Variants in PARD3B observed in about 807,000 individuals in gnomAD.
PARD3B encodes par-3 family cell polarity regulator beta.
PARD3B carries 103 observed loss-of-function variants against 130.2 expected under a neutral mutation model. That is an observed-to-expected ratio of 0.79 (90% CI 0.67 to 0.93). The LOEUF (loss-of-function observed/expected upper bound fraction) is 0.93, where lower values mean the gene tolerates loss of function less well. Ranked by LOEUF, PARD3B falls within the 40% of genes least tolerant of loss-of-function variation. PARD3B has a pLI of 0.00. For missense variants in PARD3B, 1,609 were observed against 1,499.2 expected (o/e 1.07, Z -1.21); for synonymous variants, 583 against 553.2 (o/e 1.05, Z -0.76).
chr2:204,810,012 A>G (rs956334169), intron 2 of PARD3B, among the ~76,000 whole-genome samples: 2 of 151,924 alleles, frequency 1.3e-5, no homozygotes, highest in African/African-American at 4.8e-5. Flanking sequence ...TGTGAATGCA[A>G]TTGCTTTACT....
At chr2:205,360,174 T>C (rs1033690355) in intron 18 of PARD3B, among the ~76,000 whole-genome samples, 7 of 152,232 alleles carry the variant, frequency 4.6e-5, no homozygotes, top group Non-Finnish European at 7.3e-5. Context: ...GACATCGTTT[T>C]ATATGGTTGT....
chr2:205,144,446 A>C (rs991428260), intron 10 of PARD3B, among the ~76,000 whole-genome samples: 1 of 152,194 alleles, frequency 6.6e-6, no homozygotes, highest in Non-Finnish European at 1.5e-5. Flanking sequence ...TTCCTTATGA[A>C]TTAATTCTGG....
At chr2:205,232,146 C>T (rs139170109) in intron 15 of PARD3B, among the ~76,000 whole-genome samples, 1 of 152,282 alleles carries the variant, frequency 6.6e-6, no homozygotes, top group East Asian at 1.9e-4. Flanking sequence ...ATTCCAATGA[C>T]ATTTTAAAAA....
intron 19 of PARD3B, among the ~76,000 whole-genome samples, chr2:205,439,972 G>C (rs2047654304): frequency 6.6e-6 from 1 of 152,110 alleles, no homozygotes; most frequent in Non-Finnish European, 1.5e-5. Context: ...AAAAACTAGA[G>C]GATTTTGATG....
chr2:204,866,305 C>T (rs1378463606), intron 2 of PARD3B, among the ~76,000 whole-genome samples: 1 of 152,004 alleles, frequency 6.6e-6, no homozygotes, highest in Non-Finnish European at 1.5e-5. Flanking sequence ...GTTACTTATT[C>T]TCTGTGAGCT....
At chr2:204,738,098 A>G (rs1210256694) in intron 2 of PARD3B, among the ~76,000 whole-genome samples, 1 of 151,906 alleles carries the variant, frequency 6.6e-6, no homozygotes, top group African/African-American at 2.4e-5. Flanking sequence ...TTTTTTTTCT[A>G]ATTCTGTGAA....
intron 2 of PARD3B, among the ~76,000 whole-genome samples, chr2:204,878,670 T>A (rs1271233527): frequency 4.6e-5 from 7 of 152,190 alleles, no homozygotes; most frequent in African/African-American, 1.4e-4. Flanking sequence ...TCTTGATACG[T>A]ATAGATGTAA....
chr2:205,268,189 G>T lies in PARD3B; in HGVS notation c.2185+22367G>T, dbSNP rs1412737098. Among the ~76,000 whole-genome samples, 1 of 152,206 alleles carries T rather than the reference G, an allele frequency of 6.6e-6. No individual in the cohort carries two copies. The highest frequency in any genetic ancestry group is 1.5e-5 in the Non-Finnish European group (1 of 68,034). On this transcript the variant is annotated intron_variant, in intron 16 of 22. Transcript: ENST00000406610. This position sits in a 1 kb window ranked among gnomAD's most constrained non-coding sequence, Gnocchi z 4.1. ...ATACCAAGCCCAAGAAGGAACTGCTGATCATCAGGGATCTGATCACAAAAT... is the reference window on the plus strand; with the variant it reads ...ATACCAAGCCCAAGAAGGAACTGCTTATCATCAGGGATCTGATCACAAAAT...
chr2:204,620,007 T>A (rs1434459526), intron 1 of PARD3B, among the ~76,000 whole-genome samples: 1 of 152,014 alleles, frequency 6.6e-6, no homozygotes, highest in African/African-American at 2.4e-5. Context: ...TGCACCTCTC[T>A]CTCTCTTTTT....
intron 2 of PARD3B, among the ~76,000 whole-genome samples, chr2:204,686,972 A>G (rs1435411377): frequency 2.0e-5 from 3 of 152,184 alleles, no homozygotes; most frequent in Non-Finnish European, 2.9e-5. Flanking sequence ...CCTGTCATCA[A>G]TGGCTAATGT....
At chr2:205,227,031 G>C (rs974427039) in intron 15 of PARD3B, among the ~76,000 whole-genome samples, 2 of 151,818 alleles carry the variant, frequency 1.3e-5, no homozygotes, top group Non-Finnish European at 2.9e-5. Context: ...ATTGTAGTCA[G>C]AGAATATACT....
intron 18 of PARD3B, among the ~76,000 whole-genome samples, chr2:205,338,178 A>AAAAC (rs35707832): frequency 1.6e-5 from 2 of 123,488 alleles, no homozygotes; most frequent in East Asian, 2.7e-4. Context: ...AAAAAAAAAA[A>AAAAC]GGCTTCATGA....
At chr2:205,024,551 T>C (rs891836688) in intron 3 of PARD3B, among the ~76,000 whole-genome samples, 5 of 152,186 alleles carry the variant, frequency 3.3e-5, no homozygotes, top group African/African-American at 1.2e-4. Context: ...GTTGTAGTGA[T>C]GTAGGTAGTG....
At chr2:204,556,372 C>T (rs1156758028) in intron 1 of PARD3B, among the ~76,000 whole-genome samples, 3 of 152,146 alleles carry the variant, frequency 2.0e-5, no homozygotes, top group Admixed American at 6.5e-5. Context: ...GATAAAGCAG[C>T]CACTCTCGGG....
rs1238810001 is a variant in PARD3B, at chr2:205,284,993, G to T, written c.2186-15537G>T. Among the ~76,000 whole-genome samples the T allele has an allele frequency of 5.0e-4, 72 of 143,820 alleles. 2 individuals are homozygous for T. In the East Asian group the frequency reaches 0.012, roughly 24 times the overall value. 94.4% of individuals were successfully genotyped at this position (143,820 alleles called of 152,430 possible). A position where few individuals can be genotyped will look rare whatever the true frequency, so the allele number is the denominator to read the frequency against. ...TTGATTTTAAAATAAGCACAAAACA[G>T]TTTTTTTTTTTTTTTGTGGGAGTAT... On this transcript the variant is annotated intron_variant, in intron 16 of 22. Transcript: ENST00000406610.
intron 18 of PARD3B, among the ~76,000 whole-genome samples, chr2:205,316,406 A>G (rs921560294): frequency 2.6e-5 from 4 of 152,158 alleles, no homozygotes; most frequent in African/African-American, 9.6e-5. Context: ...GTTTCTGAAC[A>G]GGTTGTAGAA....
At chr2:205,444,293 T>C (rs2047830044) in intron 20 of PARD3B, among the ~76,000 whole-genome samples, 1 of 149,070 alleles carries the variant, frequency 6.7e-6, no homozygotes, top group Admixed American at 6.7e-5. Flanking sequence ...TCTACAAAAG[T>C]TTTTTTTTTA....
rs770023807 is a variant in PARD3B at position 205,331,507 on chromosome 2, C to T, written c.2630+29806C>T. Among the ~76,000 whole-genome samples, 108 of 151,872 alleles carry T rather than the reference C, an allele frequency of 7.1e-4. 3 individuals carry two copies. The highest frequency in any genetic ancestry group is 3.9e-4 in the Admixed American group (6 of 15,262). Reference sequence around the variant, plus strand: ...TTAGAAAAGCCTGTGTTGGGCCGGGCGTGGTGGTTCACACCTGTAAGCCCA... The same window carrying T: ...TTAGAAAAGCCTGTGTTGGGCCGGGTGTGGTGGTTCACACCTGTAAGCCCA... On this transcript the variant is annotated intron_variant, in intron 18 of 22. Transcript: ENST00000406610.
At chr2:205,212,663 GCATA>G (rs1320010150) in intron 15 of PARD3B, among the ~76,000 whole-genome samples, 1 of 152,086 alleles carries the variant, frequency 6.6e-6, no homozygotes, top group Non-Finnish European at 1.5e-5. Flanking sequence ...AATCAACTAA[GCATA>G]CATTAACCAT....
Sources: gnomAD v4.1 joint callset for allele counts (sites outside exome capture counted in the v4.1 genomes callset) on GRCh38, gnomAD v4.1.1 for gene constraint, Gnocchi (gnomAD v3.1) non-coding constraint, MANE v1.5 for transcripts, NCBI Gene and HGNC (gene_info 2026-07-23, HGNC 2026-07-21) for gene names.